SMAP1: variants seen among roughly 807,000 people sequenced by gnomAD.
SMAP1 encodes the protein stromal membrane-associated protein 1.
SMAP1 carries 24 observed loss-of-function variants against 58.5 expected under a neutral mutation model. That is an observed-to-expected ratio of 0.41 (90% CI 0.30 to 0.58). SMAP1 has a LOEUF of 0.58. Ranked by LOEUF, SMAP1 falls within the 20% of genes least tolerant of loss-of-function variation. The pLI, the probability that SMAP1 is intolerant of heterozygous loss-of-function variation, is 0.29. For missense variants in SMAP1, 563 were observed against 566.3 expected (o/e 0.99, Z 0.06); for synonymous variants, 216 against 196.6 (o/e 1.10, Z -0.82).
intron 3 of SMAP1, among the ~76,000 whole-genome samples, chr6:70,762,591 TC>T (rs1766797622): frequency 6.6e-6 from 1 of 152,146 alleles, no homozygotes; most frequent in South Asian, 2.1e-4. Flanking sequence ...CTAGATTTCT[TC>T]CTTGGGTGAC....
At chr6:70,816,742 T>C (rs1769645827) in intron 6 of SMAP1, among the ~76,000 whole-genome samples, 1 of 152,190 alleles carries the variant, frequency 6.6e-6, no homozygotes, top group Admixed American at 6.5e-5. Flanking sequence ...AGTGTGATTG[T>C]TAGTAGTTGT....
intron 1 of SMAP1, among the ~76,000 whole-genome samples, chr6:70,710,019 A>C (rs948385445): frequency 6.6e-6 from 1 of 152,120 alleles, no homozygotes. Flanking sequence ...AGACTCATAG[A>C]GTGTACTTAC....
chr6:70,705,738 A>T (rs1767812144), intron 1 of SMAP1, among the ~76,000 whole-genome samples: 2 of 152,260 alleles, frequency 1.3e-5, no homozygotes, highest in South Asian at 4.1e-4. Context: ...TAGCGTTCTT[A>T]TTGTGCCAGG....
chr6:70,856,819 C>T (rs753879801), intron 8 of SMAP1, 40 bp from the exon 9 acceptor site: 1 of 1,547,128 alleles, frequency 6.5e-7, no homozygotes, highest in South Asian at 1.3e-5. Context: ...CTGCGCTTTA[C>T]TATGCAGAAT....
chr6:70,859,993 C>A (rs1284393740), intron 10 of SMAP1: 4 of 468,930 alleles, frequency 8.5e-6, no homozygotes, highest in African/African-American at 8.0e-5. Context: ...TGTGGTTAAT[C>A]TTTGGGGAAA....
intron 10 of SMAP1, chr6:70,859,302 G>GGAGTT (rs1321935975): frequency 1.3e-6 from 2 of 1,511,230 alleles, no homozygotes; most frequent in East Asian, 5.0e-5. Context: ...GAACCAGGAA[G>GGAGTT]GAGTTAATAC....
chr6:70,751,593 A>G (rs566848322), intron 2 of SMAP1, among the ~76,000 whole-genome samples: 4 of 145,436 alleles, frequency 2.8e-5, no homozygotes, highest in Non-Finnish European at 6.0e-5. Flanking sequence ...AGAAAAAAAA[A>G]TACTGACAGG....
At chr6:70,724,525 T>G (rs954265154) in intron 1 of SMAP1, among the ~76,000 whole-genome samples, 2 of 152,252 alleles carry the variant, frequency 1.3e-5, no homozygotes, top group Non-Finnish European at 2.9e-5. Context: ...GAACTTATTT[T>G]TTTGAGTGAT....
chr6:70,858,109 T>C lies in SMAP1; in HGVS notation c.1149T>C (p.Gly383=). The stretch of plus-strand genomic sequence containing the variant: ...GGTTTATGGGAAATGCACAAACTGG[T>C]GTGATGCCACTTCCTCAGAACGTTG... The part of the protein sequence containing the change: ...PNGFMGNAQT[G]VMPLPQNVVG... The change falls in exon 10 of 11, where the codon GGT becomes GGC. Residue 383 remains glycine (G), a synonymous_variant. Transcript: ENST00000370455. 1.9e-6 allele frequency: 3 copies of C among 1,613,924 alleles called. No homozygotes were observed. Among genetic ancestry groups the C allele is most frequent in the Non-Finnish European group, 8.5e-7 (1 of 1,179,966 alleles).
intron 6 of SMAP1, among the ~76,000 whole-genome samples, chr6:70,812,905 T>G (rs1377926400): frequency 6.6e-6 from 1 of 152,152 alleles, no homozygotes; most frequent in Non-Finnish European, 1.5e-5. Context: ...CATAACAAGG[T>G]CTACATCTCC....
At chr6:70,787,548 C>G (rs1396903117) in intron 4 of SMAP1, among the ~76,000 whole-genome samples, 2 of 152,150 alleles carry the variant, frequency 1.3e-5, no homozygotes, top group Non-Finnish European at 2.9e-5. Context: ...GCAATCTACT[C>G]ATCTGACAAA....
intron 2 of SMAP1, among the ~76,000 whole-genome samples, chr6:70,751,204 C>T (rs1003653788): frequency 6.6e-6 from 1 of 152,124 alleles, no homozygotes; most frequent in Non-Finnish European, 1.5e-5. Context: ...TGTGCCACTG[C>T]ACTCAAGCCT....
chr6:70,744,995 C>A (rs1371267094), intron 2 of SMAP1, among the ~76,000 whole-genome samples: 1 of 152,122 alleles, frequency 6.6e-6, no homozygotes, highest in African/African-American at 2.4e-5. Context: ...CTGTTCATAT[C>A]CTTTGTCCAC....
intron 1 of SMAP1, among the ~76,000 whole-genome samples, chr6:70,671,418 A>G (rs962765503): frequency 1.3e-5 from 2 of 152,118 alleles, no homozygotes; most frequent in African/African-American, 4.8e-5. Context: ...AAAAATACAA[A>G]AACCATTAGC....
intron 6 of SMAP1, among the ~76,000 whole-genome samples, chr6:70,831,950 T>C (rs1482106243): frequency 6.6e-6 from 1 of 152,232 alleles, no homozygotes; most frequent in African/African-American, 2.4e-5. Flanking sequence ...ATTTTTTTAA[T>C]GATAGGCACT....
intron 3 of SMAP1, among the ~76,000 whole-genome samples, chr6:70,761,205 T>G (rs527963748): frequency 6.6e-6 from 1 of 152,026 alleles, no homozygotes; most frequent in Non-Finnish European, 1.5e-5. Context: ...AATGTTGAAA[T>G]TTTTGTAGGC....
At chr6:70,672,571 G>T (rs959076325) in intron 1 of SMAP1, among the ~76,000 whole-genome samples, 3 of 152,142 alleles carry the variant, frequency 2.0e-5, no homozygotes, top group Admixed American at 1.3e-4. Context: ...ATCCCTGCTG[G>T]ATTATAGCTG....
At chr6:70,739,819 T>C (rs1247380953) in intron 2 of SMAP1, among the ~76,000 whole-genome samples, 2 of 152,130 alleles carry the variant, frequency 1.3e-5, no homozygotes, top group African/African-American at 4.8e-5. Flanking sequence ...CCATTTTTCT[T>C]AGACTATTAT....
intron 2 of SMAP1, among the ~76,000 whole-genome samples, chr6:70,735,605 C>G (rs118031456): frequency 0.023 from 3,571 of 152,258 alleles, 52 homozygotes; most frequent in Non-Finnish European, 0.037. Context: ...CCCGTCTCTA[C>G]TAAAAATACG....
Sources: gnomAD v4.1 joint callset for allele counts (sites outside exome capture counted in the v4.1 genomes callset) on GRCh38, gnomAD v4.1.1 for gene constraint, MANE v1.5 for transcripts, NCBI Gene and HGNC (gene_info 2026-07-23, HGNC 2026-07-21) for gene names.